The following ZNF791 variants were observed in gnomAD, a reference collection of about 807,000 sequenced individuals.
ZNF791 encodes zinc finger protein 791.
ZNF791 carries 4 observed loss-of-function variants against 11.5 expected under a neutral mutation model. The ratio of observed to expected loss-of-function variants is 0.35; its 90% CI spans 0.17 to 0.80. The LOEUF (loss-of-function observed/expected upper bound fraction) is 0.80, where lower values mean the gene tolerates loss of function less well. Among genes scored for constraint, ZNF791 ranks in the 30% least tolerant of loss-of-function variants. The pLI is 0.53. For missense variants in ZNF791, 559 were observed against 699.4 expected (o/e 0.80, Z 2.26); for synonymous variants, 212 against 228.1 (o/e 0.93, Z 0.64).
rs771692773 is a variant in ZNF791 at position 12,628,228 on chromosome 19, A to G, written c.699A>G (p.Val233=). The G allele has an allele frequency of 3.7e-6, 6 of 1,613,706 alleles. No individual in the cohort carries two copies. Among genetic ancestry groups the G allele is most frequent in the Non-Finnish European group, 4.2e-6 (5 of 1,179,872 alleles). Residue 233 remains valine (V), a synonymous_variant, in exon 4 of 4, where the codon GTA becomes GTG. Transcript: ENST00000343325. ...TCAGTTGTTCCAGTTCTATTCGAGTACACGAAAGAACTCACACTGGAGAGA... is the reference window on the plus strand; with the variant it reads ...TCAGTTGTTCCAGTTCTATTCGAGTGCACGAAAGAACTCACACTGGAGAGA... The part of the protein sequence containing the change: ...KAFSCSSSIR[V]HERTHTGEKP...
At chr19:12,620,342 A>C (rs1335576946) in intron 1 of ZNF791, among the ~76,000 whole-genome samples, 7 of 151,816 alleles carry the variant, frequency 4.6e-5, no homozygotes, top group Non-Finnish European at 8.8e-5. Context: ...CGCCTGGCCA[A>C]GTTTTGTATA....
chr19:12,619,591 A>G (rs2023304278), intron 1 of ZNF791, among the ~76,000 whole-genome samples: 2 of 151,358 alleles, frequency 1.3e-5, no homozygotes, highest in African/African-American at 4.8e-5. Flanking sequence ...CTGGGACTAC[A>G]GGCGCCCGCC....
intron 1 of ZNF791, among the ~76,000 whole-genome samples, chr19:12,619,916 TTTTTA>T (rs987773097): frequency 1.8e-4 from 27 of 151,084 alleles, no homozygotes; most frequent in Admixed American, 7.3e-4. Context: ...TATTTATTTA[TTTTTA>T]TTTTATTTAT....
intron 1 of ZNF791, among the ~76,000 whole-genome samples, chr19:12,615,616 T>C (rs1260511722): frequency 2.0e-5 from 3 of 152,076 alleles, no homozygotes; most frequent in Admixed American, 6.6e-5. Context: ...CCGTCTCTAC[T>C]AAAAATACAA....
At chr19:12,623,582 T>C (rs749161172) in intron 1 of ZNF791, 118 bp from the exon 2 acceptor site, 4 of 1,299,380 alleles carry the variant, frequency 3.1e-6, no homozygotes, top group Non-Finnish European at 4.4e-6. Flanking sequence ...TTTCTAACAA[T>C]TGAGTCATGC....
At chr19:12,621,766 T>TGG (rs1396147209) in intron 1 of ZNF791, among the ~76,000 whole-genome samples, 1 of 91,220 alleles carries the variant, frequency 1.1e-5, no homozygotes, top group Middle Eastern at 5.7e-3. Context: ...GGGAGGGAGG[T>TGG]GGGGGGGGTC....
chr19:12,628,457 A>C lies in ZNF791; in HGVS notation c.928A>C (p.Arg310=). Residue 310 remains arginine, a synonymous_variant, in exon 4 of 4, where the codon AGA becomes CGA. Transcript: ENST00000343325. ...YKCKQCGKAF[R]CSTSIQIHER... ...ATGTAAACAATGTGGTAAAGCCTTC[A>C]GATGTTCCACCTCCATTCAAATTCA... The C allele has an allele frequency of 6.2e-7, 1 of 1,612,648 alleles. No individual in the cohort carries two copies. The highest frequency in any genetic ancestry group is 8.5e-7 in the Non-Finnish European group (1 of 1,179,176).
At chr19:12,617,497 T>A (rs1174552342) in intron 1 of ZNF791, among the ~76,000 whole-genome samples, 1 of 152,150 alleles carries the variant, frequency 6.6e-6, no homozygotes, top group African/African-American at 2.4e-5. Flanking sequence ...AAATATTTGA[T>A]GGTTTTCTAA....
At chr19:12,626,081 A>G (rs962169817) in intron 3 of ZNF791, among the ~76,000 whole-genome samples, 12 of 152,156 alleles carry the variant, frequency 7.9e-5, no homozygotes, top group African/African-American at 2.9e-4. Flanking sequence ...CTGTGGCGCA[A>G]TCTCGGCTCA....
intron 1 of ZNF791, among the ~76,000 whole-genome samples, chr19:12,617,760 CTTTTTT>C (rs1019193795): frequency 5.8e-5 from 3 of 51,688 alleles, no homozygotes; most frequent in Admixed American, 2.7e-4. Flanking sequence ...TGCTGGAACT[CTTTTTT>C]TTTTTTTTTT....
chr19:12,624,155 CTTCTT>C (rs1167550861), intron 2 of ZNF791, among the ~76,000 whole-genome samples: 2 of 114,072 alleles, frequency 1.8e-5, no homozygotes, highest in African/African-American at 3.3e-5. Context: ...TGTGCCTGGC[CTTCTT>C]TTTTTTTTTT....
chr19:12,612,187 T>C, intron 1 of ZNF791: 1 of 862,820 alleles, frequency 1.2e-6, no homozygotes, highest in Non-Finnish European at 1.4e-6. Flanking sequence ...TGGAAATAAT[T>C]AACTGACATT....
Position 12,628,058 on chromosome 19 carries a change from A to C in ZNF791, c.529A>C (p.Arg177=). The C allele has an allele frequency of 6.2e-7, 1 of 1,613,262 alleles. No homozygotes were observed. Among genetic ancestry groups the C allele is most frequent in the Non-Finnish European group, 8.5e-7 (1 of 1,179,690 alleles). Residue 177 remains arginine (R), a synonymous_variant, in exon 4 of 4, where the codon AGA becomes CGA. Transcript: ENST00000343325. ...CTTCATATATCACCAGCCCTTTCAAAGACATGAGCGGACTCACATTGGAGA... is the reference window on the plus strand; with the variant it reads ...CTTCATATATCACCAGCCCTTTCAACGACATGAGCGGACTCACATTGGAGA... ...KTFIYHQPFQ[R]HERTHIGEKP...
intron 1 of ZNF791, among the ~76,000 whole-genome samples, chr19:12,611,536 TC>T (rs2023157077): frequency 6.6e-6 from 1 of 152,164 alleles, no homozygotes; most frequent in Non-Finnish European, 1.5e-5. Context: ...AACGCCTACT[TC>T]CGCTCGCCAG....
At position 12,632,894 on chromosome 19, in the gene ZNF791, G is replaced by T. The variant is rs773253587; in HGVS notation, c.*3634G>T. ...GCGGATCACGAAGTCAGGAGATTGA[G>T]ACCATCCTGGCTAATACAGTGAAAC... On this transcript the variant is annotated 3_prime_UTR_variant, in exon 4 of 4. Transcript: ENST00000343325. 6.6e-6 allele frequency: 1 copy of T among 151,998 alleles called. No individual in the cohort carries two copies. The highest frequency in any genetic ancestry group is 2.4e-5 in the African/African-American group (1 of 41,372). The allele number at this position is 151,998 out of a possible 1,614,324, so 9.4% of individuals were successfully genotyped here. A position where few individuals can be genotyped will look rare whatever the true frequency, so the allele number is the denominator to read the frequency against.
chr19:12,616,557 G>A (rs1417107911), intron 1 of ZNF791, among the ~76,000 whole-genome samples: 1 of 152,180 alleles, frequency 6.6e-6, no homozygotes, highest in African/African-American at 2.4e-5. Flanking sequence ...CCCAATGTGG[G>A]TGGCACACCC....
In ZNF791 at chr19:12,629,131, T is replaced by G. The variant is rs762420356; in HGVS notation, c.1602T>G (p.Ser534Arg). The change falls in exon 4 of 4, where the codon AGT (serine) becomes AGG (arginine). Residue 534 changes from serine to arginine, a missense_variant. Physicochemically the swap from Ser to Arg is moderately radical, Grantham distance 110 (BLOSUM62 -1). Coordinates refer to ENST00000343325, the MANE Select transcript of ZNF791 (RefSeq NM_153358.3). The part of the protein sequence containing the change: ...YKCKECGKAF[S>R]LHSSFQRHTR... ...GTAAAGAATGTGGGAAGGCCTTTAG[T>G]CTTCACAGTTCCTTTCAAAGACATA... 38 of 1,603,054 alleles carry G rather than the reference T, an allele frequency of 2.4e-5. No homozygotes were observed. The East Asian group carries it at 3.8e-4, about 16-fold the overall frequency.
rs571416524 is a variant in ZNF791, at chr19:12,619,637, G to C, written c.4-4063G>C. Among the ~76,000 whole-genome samples, 122 of 151,602 alleles carry C rather than the reference G, an allele frequency of 8.0e-4. 1 individual carries two copies. The highest frequency in any genetic ancestry group is 2.8e-3 in the African/African-American group (114 of 41,394). ...GCTAATTTTTTGTATTTTTAGTAGAGACGGGGTTTCACTGTGTTAGCCAGG... is the reference window on the plus strand; with the variant it reads ...GCTAATTTTTTGTATTTTTAGTAGACACGGGGTTTCACTGTGTTAGCCAGG... On this transcript the variant is annotated intron_variant, in intron 1 of 3. Coordinates refer to ENST00000343325, the MANE Select transcript of ZNF791 (RefSeq NM_153358.3).
intron 2 of ZNF791, 46 bp downstream of exon 2, chr19:12,623,872 G>GT (rs1555703483): frequency 2.0e-6 from 2 of 1,004,002 alleles, no homozygotes. Context: ...TTTTTTTTTG[G>GT]GGGGGGACAG....
Sources: allele counts gnomAD v4.1 joint callset (sites outside exome capture counted in the v4.1 genomes callset), GRCh38; gene constraint gnomAD v4.1.1; transcripts MANE v1.5; gene names NCBI Gene and HGNC (gene_info 2026-07-23, HGNC 2026-07-21).